CCDC30: variants seen among roughly 807,000 people sequenced by gnomAD.
The protein encoded by CCDC30 is coiled-coil domain-containing protein 30.
CCDC30 carries 70 observed loss-of-function variants against 100.2 expected under a neutral mutation model. That is an observed-to-expected ratio of 0.70 (90% CI 0.58 to 0.85). The LOEUF is 0.85. Ranked by LOEUF, CCDC30 falls within the 40% of genes least tolerant of loss-of-function variation. CCDC30 has a pLI of 0.00. For missense variants in CCDC30, 652 were observed against 771.2 expected, an observed-to-expected ratio of 0.85 and a Z score of 1.83; for synonymous variants, 233 against 269.5, an observed-to-expected ratio of 0.86 and a Z score of 1.33.
intron 6 of CCDC30, among the ~76,000 whole-genome samples, chr1:42,544,950 A>C (rs1645092459): frequency 6.6e-6 from 1 of 152,062 alleles, no homozygotes; most frequent in African/African-American, 2.4e-5. Flanking sequence ...TATATCTAAT[A>C]TTCTTTCTAA....
At chr1:42,505,029 C>A (rs1263030471) in intron 6 of CCDC30, among the ~76,000 whole-genome samples, 1 of 152,184 alleles carries the variant, frequency 6.6e-6, no homozygotes, top group African/African-American at 2.4e-5. Flanking sequence ...GCAGTGGAAA[C>A]TCTCTGTCCA....
chr1:42,509,302 C>T (rs947260555), intron 6 of CCDC30, among the ~76,000 whole-genome samples: 1 of 152,062 alleles, frequency 6.6e-6, no homozygotes, highest in Non-Finnish European at 1.5e-5. Flanking sequence ...GGGAGCAGAC[C>T]AAGAAACTAG....
At chr1:42,551,646 C>T (rs1645253837) in intron 6 of CCDC30, among the ~76,000 whole-genome samples, 2 of 151,914 alleles carry the variant, frequency 1.3e-5, no homozygotes, top group African/African-American at 4.8e-5. Context: ...TAAAGTAATA[C>T]ATACTATTAG....
chr1:42,542,806 G>T (rs560248580), intron 6 of CCDC30: 1 of 113,646 alleles, frequency 8.8e-6, no homozygotes, highest in South Asian at 2.7e-4. Context: ...ACCCGCCTCG[G>T]CCTCCCAAAG....
chr1:42,515,457 T>A (rs1644540899), intron 6 of CCDC30, among the ~76,000 whole-genome samples: 1 of 152,224 alleles, frequency 6.6e-6, no homozygotes, highest in Admixed American at 6.5e-5. Flanking sequence ...AGAGCCCTCA[T>A]GAATGGCATT....
At chr1:42,620,428 A>G (rs530004920) in intron 11 of CCDC30, among the ~76,000 whole-genome samples, 6 of 152,322 alleles carry the variant, frequency 3.9e-5, no homozygotes, top group Non-Finnish European at 7.3e-5. Flanking sequence ...AGAAAACACC[A>G]GTAACCTTGA....
Position 42,650,762 on chromosome 1 carries a change from A to T in CCDC30, c.1855-2614A>T, listed in dbSNP as rs548226278. On this transcript the variant is annotated intron_variant, in intron 15 of 16. Transcript: ENST00000668663. ...CCACCTCAGCCTTCCAAGTAGCTGGAACCATAGGTGCACGCCATCACACTC... is the reference window on the plus strand; with the variant it reads ...CCACCTCAGCCTTCCAAGTAGCTGGTACCATAGGTGCACGCCATCACACTC... 8.4e-4 allele frequency among the ~76,000 whole-genome samples: 127 copies of T among 152,034 alleles called. 1 individual carries two copies. Among genetic ancestry groups the T allele is most frequent in the African/African-American group, 3.0e-3 (126 of 41,498 alleles).
chr1:42,617,387 GT>G (rs1255761457), intron 11 of CCDC30, among the ~76,000 whole-genome samples: 1 of 152,228 alleles, frequency 6.6e-6, no homozygotes, highest in Non-Finnish European at 1.5e-5. Flanking sequence ...TAATATTCCA[GT>G]ATAGGATAGG....
chr1:42,646,743 T>C (rs1647916034), intron 15 of CCDC30, among the ~76,000 whole-genome samples: 1 of 152,146 alleles, frequency 6.6e-6, no homozygotes, highest in South Asian at 2.1e-4. Flanking sequence ...TCTCACCATT[T>C]ACTAGAGCCA....
intron 1 of CCDC30, among the ~76,000 whole-genome samples, chr1:42,476,491 G>A (rs1643882708): frequency 6.6e-6 from 1 of 152,086 alleles, no homozygotes. Flanking sequence ...GGGAGTTCGA[G>A]ACCAGCTTGA....
chr1:42,549,098 G>A (rs1011304016), intron 6 of CCDC30, among the ~76,000 whole-genome samples: 3 of 152,130 alleles, frequency 2.0e-5, no homozygotes, highest in Non-Finnish European at 4.4e-5. Flanking sequence ...CAAAACTTTA[G>A]GAATTCTGCA....
rs183849280 is a variant in CCDC30 at position 42,612,081 on chromosome 1, T to A, written c.1277+991T>A. Among the ~76,000 whole-genome samples the A allele has an allele frequency of 9.2e-5, 14 of 152,358 alleles. No homozygotes were observed. In the East Asian group the frequency reaches 2.7e-3, roughly 29 times the overall value. ...TGTCTTGTCAATAAACATAATTTTA[T>A]GGTTTTATTATAGCTTTCATAAAAG... is the stretch of plus-strand genomic sequence containing the variant. On this transcript the variant is annotated intron_variant, in intron 11 of 16. Transcript: ENST00000668663.
intron 6 of CCDC30, among the ~76,000 whole-genome samples, chr1:42,562,511 A>G (rs1204070801): frequency 2.0e-5 from 3 of 152,204 alleles, no homozygotes; most frequent in Non-Finnish European, 4.4e-5. Context: ...CCCTAGAAGA[A>G]AACCTAGGCA....
intron 6 of CCDC30, among the ~76,000 whole-genome samples, chr1:42,535,582 G>GCTTGGTGATAGTGTGCTCATCAAA (rs1644879445): frequency 6.9e-6 from 1 of 145,360 alleles, no homozygotes; most frequent in Non-Finnish European, 1.5e-5. Context: ...GGGGTCGGCC[G>GCTTGGTGATAGTGTGCTCATCAAA]GGCACGGTGG....
At chr1:42,634,191 G>T (rs1250238047) in intron 11 of CCDC30, among the ~76,000 whole-genome samples, 1 of 150,082 alleles carries the variant, frequency 6.7e-6, no homozygotes, top group African/African-American at 2.5e-5. Context: ...TACTCAGGAG[G>T]CTGAGGTGGG....
chr1:42,611,525 T>C (rs1272544015), intron 11 of CCDC30, among the ~76,000 whole-genome samples: 1 of 151,362 alleles, frequency 6.6e-6, no homozygotes, highest in Non-Finnish European at 1.5e-5. Flanking sequence ...ACCTATTACA[T>C]ATATGGTACT....
chr1:42,655,867 C>CTTTTTTTTTTT (rs766715541), downstream of CCDC30, among the ~76,000 whole-genome samples: 4 of 87,312 alleles, frequency 4.6e-5, no homozygotes, highest in Middle Eastern at 0.011. Flanking sequence ...GCTGTTTTTA[C>CTTTTTTTTTTT]TTTTTTTTTT....
chr1:42,532,535 A>C (rs1644821631), intron 6 of CCDC30, among the ~76,000 whole-genome samples: 1 of 152,224 alleles, frequency 6.6e-6, no homozygotes, highest in Non-Finnish European at 1.5e-5. Flanking sequence ...AATAGCCACA[A>C]TATATTGAGC....
intron 11 of CCDC30, among the ~76,000 whole-genome samples, chr1:42,628,200 T>C (rs749133125): frequency 3.3e-5 from 5 of 152,200 alleles, no homozygotes; most frequent in Non-Finnish European, 7.3e-5. Flanking sequence ...CCTCACTGGA[T>C]TTCAGACTTG....
Sources: gnomAD v4.1 joint callset for allele counts (sites outside exome capture counted in the v4.1 genomes callset) on GRCh38, gnomAD v4.1.1 for gene constraint, MANE v1.5 for transcripts, NCBI Gene and HGNC (gene_info 2026-07-23, HGNC 2026-07-21) for gene names.